ATP5F1A: variants seen among roughly 807,000 people sequenced by gnomAD.
The protein encoded by ATP5F1A is ATP synthase F1 subunit alpha.
ATP5F1A carries 24 observed loss-of-function variants against 57.4 expected under a neutral mutation model. The ratio of observed to expected loss-of-function variants is 0.42; its 90% CI spans 0.30 to 0.59. ATP5F1A has a LOEUF of 0.59. Among genes scored for constraint, ATP5F1A ranks in the 20% least tolerant of loss-of-function variants. ATP5F1A has a pLI of 0.19. For synonymous variants in ATP5F1A, 251 were observed against 255.5 expected (o/e 0.98, Z 0.17); for missense variants, 494 against 707.9 (o/e 0.70, Z 3.43).
At chr18:46,098,953 G>T (rs142603943), upstream of ATP5F1A, among the ~76,000 whole-genome samples, 1 of 152,294 alleles carries the variant, frequency 6.6e-6, no homozygotes, top group African/African-American at 2.4e-5. Context: ...TGATAACCGG[G>T]GGAGGGGAGC....
intron 1 of ATP5F1A, among the ~76,000 whole-genome samples, chr18:46,095,819 C>G (rs1406746747): frequency 6.6e-6 from 1 of 151,880 alleles, no homozygotes; most frequent in Non-Finnish European, 1.5e-5. Context: ...GACAGGATTT[C>G]ATCATATTGC....
At position 46,081,968 on chromosome 18, in the gene ATP5F1A, C is replaced by T. The variant is rs1413025232; in HGVS notation, c.*2314G>A. On this transcript the variant is annotated 3_prime_UTR_variant, in exon 12 of 12. Coordinates refer to ENST00000398752, the MANE Select transcript of ATP5F1A (RefSeq NM_004046.6). Reference sequence around the variant, plus strand: ...GATGGATAAGAATGAAGTTTCGGTACAGCAAATCCCCATCAACAAAATAAA... The same window carrying T: ...GATGGATAAGAATGAAGTTTCGGTATAGCAAATCCCCATCAACAAAATAAA... The T allele has an allele frequency of 1.3e-5, 2 of 150,060 alleles. No homozygotes were observed. Among genetic ancestry groups the T allele is most frequent in the Non-Finnish European group, 2.9e-5 (2 of 67,814 alleles). 9.3% of individuals were successfully genotyped at this position (150,060 alleles called of 1,614,324 possible). A position where few individuals can be genotyped will look rare whatever the true frequency, so the allele number is the denominator to read the frequency against.
chr18:46,090,480 GCTACC>G (rs1239810454), intron 3 of ATP5F1A, among the ~76,000 whole-genome samples: 3 of 152,162 alleles, frequency 2.0e-5, no homozygotes, highest in Non-Finnish European at 4.4e-5. Flanking sequence ...GAAATTAAAA[GCTACC>G]TAACTGTAAC....
chr18:46,086,832 GACAGATACATGGGGTTTC>G (rs1297422473), intron 8 of ATP5F1A, 158 bp downstream of exon 8: 1 of 688,980 alleles, frequency 1.5e-6, no homozygotes, highest in Non-Finnish European at 2.4e-6. Flanking sequence ...ATAACTGGGT[GACAGATACATGGGGTTTC>G]ACTATGCCAT....
At position 46,087,074 on chromosome 18, in the gene ATP5F1A, T is replaced by C. The variant is rs1368741285; in HGVS notation, c.1110A>G (p.Ile370Met). ...CAGACACATCACCAGCCTGTGTTTCTATGACTGGCAAAGCAGTCAAGGAGC... is the reference window on the plus strand; with the variant it reads ...CAGACACATCACCAGCCTGTGTTTCCATGACTGGCAAAGCAGTCAAGGAGC... Reference protein sequence around the residue: ...GGGSLTALPVIETQAGDVSAY... With the variant: ...GGGSLTALPVMETQAGDVSAY... Residue 370 changes from isoleucine (I) to methionine (M), a missense_variant, in exon 8 of 12, where the codon ATA (isoleucine) becomes ATG (methionine). Ile to Met is a conservative substitution (Grantham distance 10, BLOSUM62 1). Around this residue, in one of 6 missense-constraint regions of ATP5F1A, gnomAD observed 4 missense variants for 41.7 expected, o/e 0.10. Transcript: ENST00000398752. The C allele has an allele frequency of 6.2e-7, 1 of 1,613,962 alleles. No homozygotes were observed. Among genetic ancestry groups the C allele is most frequent in the African/African-American group, 1.3e-5 (1 of 74,928 alleles).
Position 46,089,928 on chromosome 18 carries a change from C to A in ATP5F1A, c.378G>T (p.Lys126Asn), listed in dbSNP as rs864309574. 1.2e-6 allele frequency: 2 copies of A among 1,613,618 alleles called. No individual in the cohort carries two copies. Among genetic ancestry groups the A allele is most frequent in the Middle Eastern group, 1.6e-4 (1 of 6,062 alleles). ...CTGTCCTCTTCACTATATCTCCTTC[C>A]TTAATTAGTTTATCATTTCCAAACA... is the stretch of plus-strand genomic sequence containing the variant. The part of the protein sequence containing the change: ...VVVFGNDKLI[K>N]EGDIVKRTGA... Residue 126 changes from lysine (K) to asparagine (N), a missense_variant, in exon 4 of 12, where the codon AAG becomes AAT. Lys to Asn is a moderately conservative substitution (Grantham distance 94, BLOSUM62 0). Transcript: ENST00000398752.
At position 46,095,044 on chromosome 18, in the gene ATP5F1A, A is replaced by G. The variant is rs1910838939; in HGVS notation, c.139+9T>C. 1.2e-6 allele frequency: 2 copies of G among 1,608,974 alleles called. No homozygotes were observed. Among genetic ancestry groups the G allele is most frequent in the Non-Finnish European group, 1.7e-6 (2 of 1,177,586 alleles). On this transcript the variant is annotated intron_variant, in intron 2 of 11. Coordinates refer to ENST00000398752, the MANE Select transcript of ATP5F1A (RefSeq NM_004046.6). ...TAAGTGCGGCGTAGACTGAGAAATA[A>G]TAACTTACCAGTCTTTTGAAGATGA... is the stretch of plus-strand genomic sequence containing the variant.
At chr18:46,098,104 C>G (rs1332289752) in intron 1 of ATP5F1A, 68 bp downstream of exon 1, 1 of 1,530,340 alleles carries the variant, frequency 6.5e-7, no homozygotes, top group Non-Finnish European at 8.7e-7. Context: ...AGAGAGCGCC[C>G]GAGCCGGCGC....
At chr18:46,091,646 G>T (rs1568250102) in intron 3 of ATP5F1A, 36 bp downstream of exon 3, 1 of 1,524,282 alleles carries the variant, frequency 6.6e-7, no homozygotes, top group East Asian at 2.3e-5. Flanking sequence ...AGAAGACTTA[G>T]ATCCTAAAAC....
chr18:46,098,816 A>C (rs1049427750), upstream of ATP5F1A, among the ~76,000 whole-genome samples: 1 of 152,168 alleles, frequency 6.6e-6, no homozygotes, highest in African/African-American at 2.4e-5. Flanking sequence ...GGGCAATCTG[A>C]ATTTTTAACA....
chr18:46,096,106 C>T (rs981646329), intron 1 of ATP5F1A, among the ~76,000 whole-genome samples: 1 of 152,090 alleles, frequency 6.6e-6, no homozygotes, highest in African/African-American at 2.4e-5. Context: ...CCAGGTTGAT[C>T]TCGAACTCCT....
upstream of ATP5F1A, chr18:46,098,334 T>G (rs947241712): frequency 1.8e-5 from 25 of 1,419,104 alleles, no homozygotes; most frequent in East Asian, 6.4e-4. Context: ...CCGGCCCACC[T>G]GACCCGGAAG....
chr18:46,086,897 A>T (rs1200170017), intron 8 of ATP5F1A, 111 bp downstream of exon 8: 1 of 1,234,746 alleles, frequency 8.1e-7, no homozygotes, highest in Non-Finnish European at 1.1e-6. Context: ...ATTTTCCATA[A>T]TAAAAAGTAA....
chr18:46,098,131 C>T (rs1218782341), intron 1 of ATP5F1A, 41 bp downstream of exon 1: 8 of 1,579,352 alleles, frequency 5.1e-6, no homozygotes, highest in Non-Finnish European at 6.0e-6. Context: ...ACCCTGCAGC[C>T]CCACCCGGCC....
chr18:46,091,911 A>T, intron 2 of ATP5F1A, 60 bp from the exon 3 acceptor site: 1 of 1,519,596 alleles, frequency 6.6e-7, no homozygotes, highest in East Asian at 2.3e-5. Flanking sequence ...AGTGGCTCAC[A>T]GCTGTAATCC....
At chr18:46,102,098 C>T (rs1259823302), upstream of ATP5F1A, among the ~76,000 whole-genome samples, 4 of 150,332 alleles carry the variant, frequency 2.7e-5, no homozygotes, top group African/African-American at 9.8e-5. Context: ...GGCGTGAACC[C>T]GGGAGGCGGA....
chr18:46,097,898 T>C, intron 1 of ATP5F1A: 1 of 1,229,858 alleles, frequency 8.1e-7, no homozygotes, highest in Non-Finnish European at 1.0e-6. Flanking sequence ...AGATCCCCCT[T>C]CTAGGGCCGC....
chr18:46,087,653 G>A (rs1910220328), intron 6 of ATP5F1A, 161 bp from the exon 7 acceptor site: 1 of 773,330 alleles, frequency 1.3e-6, no homozygotes, highest in African/African-American at 1.8e-5. Context: ...GCCCTAGGCG[G>A]GTGATCACCT....
At chr18:46,090,937 T>C (rs1910509725) in intron 3 of ATP5F1A, among the ~76,000 whole-genome samples, 1 of 152,220 alleles carries the variant, frequency 6.6e-6, no homozygotes, top group Non-Finnish European at 1.5e-5. Context: ...GAACTCAGAA[T>C]TAATCTGTTT....
Sources: allele counts gnomAD v4.1 joint callset (sites outside exome capture counted in the v4.1 genomes callset), GRCh38; gene constraint gnomAD v4.1.1; regional missense constraint gnomAD v4.1.1; transcripts MANE v1.5; gene names NCBI Gene and HGNC (gene_info 2026-07-23, HGNC 2026-07-21).